The following FOCAD variants were observed in gnomAD, a reference collection of about 807,000 sequenced individuals.
FOCAD encodes KIAA1797.
In FOCAD, 198 loss-of-function variants were observed where a neutral mutation model predicts 225.6. The ratio of observed to expected loss-of-function variants is 0.88; its 90% CI spans 0.78 to 0.99. FOCAD has a LOEUF of 0.99. Ranked by LOEUF, FOCAD falls within the 50% of genes least tolerant of loss-of-function variation. FOCAD has a pLI of 0.00. For synonymous variants in FOCAD, 897 were observed against 755.0 expected, an observed-to-expected ratio of 1.19 and a Z score of -3.08; for missense variants, 2,713 against 2,123.6, an observed-to-expected ratio of 1.28 and a Z score of -5.46.
Position 20,912,853 on chromosome 9 carries a change from G to GT in FOCAD, c.2719-12dup. The GT allele has an allele frequency of 6.2e-7, 1 of 1,610,580 alleles. No homozygotes were observed. The highest frequency in any genetic ancestry group is 8.5e-7 in the Non-Finnish European group (1 of 1,177,248). ...TCGAGTTCACATGCTGATTTATGCT[G>GT]TGATTTTTGCAGGGAAGACTAGGAG... On this transcript the variant is annotated splice_polypyrimidine_tract_variant and intron_variant, in intron 22 of 43. Transcript: ENST00000338382.
At chr9:20,868,420 A>G (rs773102921) in intron 18 of FOCAD, among the ~76,000 whole-genome samples, 1 of 152,016 alleles carries the variant, frequency 6.6e-6, no homozygotes, top group African/African-American at 2.4e-5. Context: ...AAATATTGAC[A>G]TGCTTATATT....
intron 38 of FOCAD, among the ~76,000 whole-genome samples, chr9:20,981,930 A>C (rs1840734544): frequency 6.6e-6 from 1 of 152,166 alleles, no homozygotes; most frequent in African/African-American, 2.4e-5. Flanking sequence ...ATTTGCTATT[A>C]GGCGTTTTTA....
intron 1 of FOCAD, among the ~76,000 whole-genome samples, chr9:20,711,606 G>T (rs1824857454): frequency 6.6e-6 from 1 of 152,208 alleles, no homozygotes; most frequent in East Asian, 1.9e-4. Flanking sequence ...CTGGAAAGAA[G>T]GAAGCCGATT....
chr9:20,919,414 C>T (rs1416020196), intron 24 of FOCAD, among the ~76,000 whole-genome samples: 2 of 152,116 alleles, frequency 1.3e-5, no homozygotes, highest in African/African-American at 4.8e-5. Context: ...GATTCAATGC[C>T]ATCCCCATCA....
chr9:20,976,749 A>G (rs1375405403), intron 36 of FOCAD, among the ~76,000 whole-genome samples: 1 of 152,186 alleles, frequency 6.6e-6, no homozygotes, highest in African/African-American at 2.4e-5. Context: ...CTAAAGACAC[A>G]GGCCAGATAC....
In FOCAD at chr9:20,760,794, T is replaced by C. The variant is rs1048982127; in HGVS notation, c.494+2603T>C. Among the ~76,000 whole-genome samples, 6 of 152,260 alleles carry C rather than the reference T, an allele frequency of 3.9e-5. No homozygotes were observed. The East Asian group carries it at 1.2e-3, about 29-fold the overall frequency. On this transcript the variant is annotated intron_variant, in intron 6 of 43. Coordinates refer to ENST00000338382, the MANE Select transcript of FOCAD (RefSeq NM_001375567.1). ...CTCTGTATTAGTGATGCTTGGCACA[T>C]TTCTAGGTGCTTTATAAATGTTGAA...
intron 16 of FOCAD, among the ~76,000 whole-genome samples, chr9:20,864,713 ATTGC>A (rs752357415): frequency 5.3e-5 from 8 of 152,052 alleles, no homozygotes; most frequent in Admixed American, 1.3e-4. Context: ...TATTTTCTGA[ATTGC>A]TTTGCACAGT....
At chr9:20,799,399 C>G (rs975063834) in intron 11 of FOCAD, among the ~76,000 whole-genome samples, 6 of 151,978 alleles carry the variant, frequency 3.9e-5, no homozygotes, top group Non-Finnish European at 8.8e-5. Flanking sequence ...TCCTGGATAC[C>G]CTTGTTAACT....
chr9:20,882,345 AGAG>A (rs1338554902), intron 20 of FOCAD, among the ~76,000 whole-genome samples: 1 of 152,234 alleles, frequency 6.6e-6, no homozygotes, highest in Non-Finnish European at 1.5e-5. Flanking sequence ...AAGAGAAACT[AGAG>A]GAGCTTTTAG....
At chr9:20,694,989 CT>C (rs1476949019) in intron 1 of FOCAD, among the ~76,000 whole-genome samples, 1 of 152,126 alleles carries the variant, frequency 6.6e-6, no homozygotes, top group Non-Finnish European at 1.5e-5. Flanking sequence ...GTCACTTATT[CT>C]GTACAATCCC....
At chr9:20,724,128 T>C (rs1336917154) in intron 4 of FOCAD, among the ~76,000 whole-genome samples, 1 of 152,192 alleles carries the variant, frequency 6.6e-6, no homozygotes, top group Admixed American at 6.5e-5. Flanking sequence ...CCAGGCCTCA[T>C]CTCCAACATT....
chr9:20,720,508 G>A lies in FOCAD; in HGVS notation c.261G>A (p.Gly87=), dbSNP rs1209127691. 6.2e-7 allele frequency: 1 copy of A among 1,613,954 alleles called. No individual in the cohort carries two copies. Among genetic ancestry groups the A allele is most frequent in the South Asian group, 1.1e-5 (1 of 91,050 alleles). ...CAGAGTTCAGCTATGTTCTCAATGGGATACTCAACTTGATTCCATCAACCA... is the reference window on the plus strand; with the variant it reads ...CAGAGTTCAGCTATGTTCTCAATGGAATACTCAACTTGATTCCATCAACCA... ...DHAEFSYVLN[G]ILNLIPSTRN... is the part of the protein sequence containing the mutation. The change falls in exon 4 of 44, where the codon GGG becomes GGA. Residue 87 remains glycine, a synonymous_variant. Transcript: ENST00000338382.
chr9:20,819,927 C>A (rs201652344), intron 12 of FOCAD, 27 bp downstream of exon 12: 2 of 1,322,012 alleles, frequency 1.5e-6, no homozygotes, highest in Non-Finnish European at 2.1e-6. Flanking sequence ...ATTTAGTTGG[C>A]GAAAAAAGTG....
chr9:20,764,544 C>T (rs1049925375), intron 6 of FOCAD, among the ~76,000 whole-genome samples: 4 of 152,192 alleles, frequency 2.6e-5, no homozygotes, highest in Admixed American at 1.3e-4. Flanking sequence ...CGTGAGCCTC[C>T]GTGCCCAGCC....
rs544840479 is a variant in FOCAD, at chr9:20,937,777, T to C, written c.3407+4674T>C. The stretch of plus-strand genomic sequence containing the variant: ...TTCTGCACAGCAAAAGAAACTACCA[T>C]CAGAGTGAACAGGCAACCTACAGAA... On this transcript the variant is annotated intron_variant, in intron 28 of 43. Transcript: ENST00000338382. Among the ~76,000 whole-genome samples the C allele has an allele frequency of 6.6e-3, 1,008 of 152,048 alleles. 11 individuals are homozygous for C. The highest frequency in any genetic ancestry group is 0.023 in the African/African-American group (948 of 41,440).
chr9:20,963,289 C>T (rs952137266), intron 35 of FOCAD, among the ~76,000 whole-genome samples: 12 of 152,144 alleles, frequency 7.9e-5, no homozygotes, highest in African/African-American at 2.7e-4. Context: ...TAGGTCAATT[C>T]TAGCGAATAT....
chr9:20,910,735 G>C (rs951231469), intron 22 of FOCAD, among the ~76,000 whole-genome samples: 2 of 152,022 alleles, frequency 1.3e-5, no homozygotes. Context: ...AATGCTGCTG[G>C]ATCTCTCTAT....
chr9:20,750,106 A>G (rs765523613), intron 5 of FOCAD, among the ~76,000 whole-genome samples: 1 of 152,108 alleles, frequency 6.6e-6, no homozygotes, highest in Non-Finnish European at 1.5e-5. Context: ...TTCTCTGAAC[A>G]GTGTTGACTT....
In FOCAD at chr9:20,966,130, G is replaced by A. The variant is rs767579357; in HGVS notation, c.4133-10290G>A. Among the ~76,000 whole-genome samples, 18 of 151,932 alleles carry A rather than the reference G, an allele frequency of 1.2e-4. 1 individual carries two copies. Among genetic ancestry groups the A allele is most frequent in the South Asian group, 1.0e-3 (5 of 4,822 alleles). Reference sequence around the variant, plus strand: ...ACCAAACTGTTTTTCCACAGTGGCCGCACTGTTTTACATTCTTGCAAGCAA... The same window carrying A: ...ACCAAACTGTTTTTCCACAGTGGCCACACTGTTTTACATTCTTGCAAGCAA... On this transcript the variant is annotated intron_variant, in intron 35 of 43. Transcript: ENST00000338382.
Sources: gnomAD v4.1 joint callset for allele counts (sites outside exome capture counted in the v4.1 genomes callset) on GRCh38, gnomAD v4.1.1 for gene constraint, MANE v1.5 for transcripts, NCBI Gene and HGNC (gene_info 2026-07-23, HGNC 2026-07-21) for gene names.